Variants in EFNA5 observed in about 807,000 individuals in gnomAD.
The protein encoded by EFNA5 is ephrin A5.
In EFNA5, 5 loss-of-function variants were observed where a neutral mutation model predicts 22.9. The ratio of observed to expected loss-of-function variants is 0.22; its 90% CI spans 0.11 to 0.46. The LOEUF (loss-of-function observed/expected upper bound fraction) is 0.46, where lower values mean the gene tolerates loss of function less well. EFNA5 is among the 20% of genes least tolerant of loss of function. EFNA5 has a pLI of 0.99. For missense variants in EFNA5, 237 were observed against 293.3 expected, an observed-to-expected ratio of 0.81 and a Z score of 1.40; for synonymous variants, 113 against 112.2, an observed-to-expected ratio of 1.01 and a Z score of -0.04.
chr5:107,574,571 A>T (rs1290525894), intron 1 of EFNA5, among the ~76,000 whole-genome samples: 1 of 152,138 alleles, frequency 6.6e-6, no homozygotes, highest in Non-Finnish European at 1.5e-5. Flanking sequence ...CCATGGAAAA[A>T]CTATAAAGGC....
intron 1 of EFNA5, among the ~76,000 whole-genome samples, chr5:107,573,228 GA>G (rs1748855016): frequency 6.6e-6 from 1 of 152,110 alleles, no homozygotes; most frequent in African/African-American, 2.4e-5. Flanking sequence ...AGAGGACAGA[GA>G]AGGCAAGGCA....
At chr5:107,492,528 A>G (rs2112415265) in intron 1 of EFNA5, among the ~76,000 whole-genome samples, 1 of 152,370 alleles carries the variant, frequency 6.6e-6, no homozygotes, top group South Asian at 2.1e-4. Flanking sequence ...TATTTCATTT[A>G]TCAGTTGTGA....
Position 107,572,660 on chromosome 5 carries a change from C to T in EFNA5, c.125+97829G>A, listed in dbSNP as rs886603991. On this transcript the variant is annotated intron_variant, in intron 1 of 4. Transcript: ENST00000333274. ...CTGCAGCGTAGGATCAAAATGCATT[C>T]AAACAACGGGATGGAATTTATTGCC... is the stretch of plus-strand genomic sequence containing the variant. Among the ~76,000 whole-genome samples the T allele has an allele frequency of 7.2e-5, 11 of 152,256 alleles. No homozygotes were observed. The East Asian group carries it at 2.1e-3, about 29-fold the overall frequency.
At chr5:107,510,996 T>C (rs1747355211) in intron 1 of EFNA5, among the ~76,000 whole-genome samples, 1 of 135,760 alleles carries the variant, frequency 7.4e-6, no homozygotes, top group Admixed American at 7.5e-5. Flanking sequence ...ATTTCTTTCT[T>C]TTTCTTTGTG....
chr5:107,473,530 G>A (rs1022697151), intron 1 of EFNA5, among the ~76,000 whole-genome samples: 4 of 152,042 alleles, frequency 2.6e-5, no homozygotes, highest in African/African-American at 9.7e-5. Flanking sequence ...GAAGGAATCT[G>A]AAAATACAGG....
intron 1 of EFNA5, 35 bp downstream of exon 1, chr5:107,670,454 G>A: frequency 1.3e-6 from 2 of 1,539,546 alleles, no homozygotes; most frequent in African/African-American, 1.4e-5. Context: ...CCCGAGGCCC[G>A]GGTAGCCCTG....
intron 2 of EFNA5, among the ~76,000 whole-genome samples, chr5:107,407,166 T>C (rs1329596022): frequency 6.6e-6 from 1 of 152,208 alleles, no homozygotes; most frequent in Non-Finnish European, 1.5e-5. Flanking sequence ...AGGCAGATGA[T>C]GGCAAACTAT....
intron 1 of EFNA5, among the ~76,000 whole-genome samples, chr5:107,578,112 A>G (rs1346200490): frequency 6.6e-6 from 1 of 152,210 alleles, no homozygotes; most frequent in Non-Finnish European, 1.5e-5. Flanking sequence ...CACCTTTGAC[A>G]TAACTGACTG....
chr5:107,636,681 T>C (rs373279536), intron 1 of EFNA5, among the ~76,000 whole-genome samples: 2 of 152,230 alleles, frequency 1.3e-5, no homozygotes, highest in Non-Finnish European at 2.9e-5. Context: ...GATCAGATCA[T>C]GTTCTTGAAT....
intron 1 of EFNA5, among the ~76,000 whole-genome samples, chr5:107,567,486 G>C (rs948441567): frequency 3.3e-5 from 5 of 152,158 alleles, no homozygotes; most frequent in Non-Finnish European, 7.3e-5. Flanking sequence ...GCCCGAAAAA[G>C]TCATTTATGT....
chr5:107,660,261 C>CATATATATATATAAATATATATATAT (rs1163908363), intron 1 of EFNA5, among the ~76,000 whole-genome samples: 1 of 52,452 alleles, frequency 1.9e-5, no homozygotes, highest in Non-Finnish European at 3.9e-5. Context: ...ATGGCAAAAA[C>CATATATATATATAAATATATATATAT]ATATATATAT....
At chr5:107,532,885 C>T (rs1747845046) in intron 1 of EFNA5, among the ~76,000 whole-genome samples, 1 of 152,120 alleles carries the variant, frequency 6.6e-6, no homozygotes, top group South Asian at 2.1e-4. Flanking sequence ...GTGTTCACAC[C>T]ACTGTTAAGG....
intron 1 of EFNA5, among the ~76,000 whole-genome samples, chr5:107,529,859 C>T (rs1747773115): frequency 6.6e-6 from 1 of 152,152 alleles, no homozygotes; most frequent in South Asian, 2.1e-4. Flanking sequence ...AAGACAGCAT[C>T]CTACATACAA....
At chr5:107,496,036 C>G (rs1447994921) in intron 1 of EFNA5, among the ~76,000 whole-genome samples, 1 of 151,856 alleles carries the variant, frequency 6.6e-6, no homozygotes, top group Non-Finnish European at 1.5e-5. Flanking sequence ...CCCAAAATTA[C>G]TTAGAGCAGG....
At chr5:107,465,152 A>G (rs188917028) in intron 1 of EFNA5, among the ~76,000 whole-genome samples, 22 of 152,164 alleles carry the variant, frequency 1.4e-4, no homozygotes, top group Admixed American at 1.2e-3. Flanking sequence ...AGCGACAGCA[A>G]AGCTTTTCAT....
chr5:107,668,155 G>A (rs1048908723), intron 1 of EFNA5, among the ~76,000 whole-genome samples: 2 of 152,018 alleles, frequency 1.3e-5, no homozygotes, highest in Non-Finnish European at 2.9e-5. Flanking sequence ...GGTTAAGAGG[G>A]GTACATCATT....
At chr5:107,511,002 T>TTGTGTGTG (rs71644591) in intron 1 of EFNA5, among the ~76,000 whole-genome samples, 3,078 of 140,370 alleles carry the variant, frequency 0.022, 53 homozygotes, top group African/African-American at 0.042. Flanking sequence ...TTCTTTTTCT[T>TTGTGTGTG]TGTGTGTGTG....
intron 2 of EFNA5, among the ~76,000 whole-genome samples, chr5:107,423,693 C>G (rs749090799): frequency 1.3e-5 from 2 of 152,162 alleles, no homozygotes; most frequent in Non-Finnish European, 2.9e-5. Context: ...GTATGCCAAT[C>G]TCTTACCAAA....
intron 1 of EFNA5, among the ~76,000 whole-genome samples, chr5:107,593,527 A>G (rs1032554217): frequency 2.6e-5 from 4 of 152,318 alleles, no homozygotes; most frequent in African/African-American, 9.6e-5. Context: ...TCGAGAGCAG[A>G]GGGGCTCCAC....
Sources: allele counts gnomAD v4.1 joint callset (sites outside exome capture counted in the v4.1 genomes callset), GRCh38; gene constraint gnomAD v4.1.1; transcripts MANE v1.5; gene names NCBI Gene and HGNC (gene_info 2026-07-23, HGNC 2026-07-21).